Variants in ME1 observed in about 807,000 individuals in gnomAD.
ME1 encodes the protein malic enzyme 1.
Under a neutral mutation model 66.4 loss-of-function variants are expected in ME1, and 74 were observed. The ratio of observed to expected loss-of-function variants is 1.11; its 90% confidence interval spans 0.92 to 1.35. The LOEUF is 1.35. Among genes scored for constraint, ME1 ranks in the 40% most tolerant of loss-of-function variants. The probability of loss-of-function intolerance (pLI) is 0.00; values close to 1 mark genes in which losing one functional copy is unlikely to be tolerated. For missense variants in ME1, 750 were observed against 694.1 expected, an observed-to-expected ratio of 1.08 and a Z score of -0.90; for synonymous variants, 251 against 235.6, an observed-to-expected ratio of 1.07 and a Z score of -0.60.
chr6:83,224,481 G>C (rs1037058999), intron 11 of ME1, among the ~76,000 whole-genome samples: 2 of 151,774 alleles, frequency 1.3e-5, no homozygotes, highest in African/African-American at 4.8e-5. Flanking sequence ...TCAGGAGTTT[G>C]AGACCAGCCT....
intron 6 of ME1, among the ~76,000 whole-genome samples, chr6:83,291,541 C>T (rs1372656382): frequency 6.6e-6 from 1 of 152,168 alleles, no homozygotes; most frequent in Non-Finnish European, 1.5e-5. Flanking sequence ...TTCTCTCTCA[C>T]TGCCCTTAAC....
In ME1 at chr6:83,343,930, T is replaced by C. The variant is rs79850426; in HGVS notation, c.600+2243A>G. Among the ~76,000 whole-genome samples the C allele has an allele frequency of 4.5e-3, 692 of 152,244 alleles. 2 individuals carry two copies. Among genetic ancestry groups the C allele is most frequent in the African/African-American group, 0.015 (634 of 41,550 alleles). On this transcript the variant is annotated intron_variant, in intron 5 of 13. Transcript: ENST00000369705. ...ATATCTATCAATGCAAGTGTCCTAG[T>C]GTTACAGTTTCACTAGTGCACAGCT... is the stretch of plus-strand genomic sequence containing the variant.
At chr6:83,232,600 T>C (rs948268316) in intron 9 of ME1, among the ~76,000 whole-genome samples, 4 of 152,166 alleles carry the variant, frequency 2.6e-5, no homozygotes, top group African/African-American at 9.7e-5. Context: ...GAGAAAACAA[T>C]CAAGCCAGAT....
chr6:83,317,995 C>T (rs940340098), intron 5 of ME1, among the ~76,000 whole-genome samples: 1 of 152,050 alleles, frequency 6.6e-6, no homozygotes, highest in Non-Finnish European at 1.5e-5. Flanking sequence ...AGAAATAACG[C>T]CACATATCTA....
chr6:83,302,788 T>A (rs1767751539), intron 6 of ME1, among the ~76,000 whole-genome samples: 1 of 152,088 alleles, frequency 6.6e-6, no homozygotes, highest in African/African-American at 2.4e-5. Flanking sequence ...AACTATTTAT[T>A]TATACAATGG....
Position 83,308,893 on chromosome 6 carries a change from A to G in ME1, c.704+6417T>C, listed in dbSNP as rs549167243. Among the ~76,000 whole-genome samples the G allele has an allele frequency of 7.2e-5, 11 of 152,204 alleles. No individual in the cohort carries two copies. The South Asian group carries it at 2.3e-3, about 32-fold the overall frequency. On this transcript the variant is annotated intron_variant, in intron 6 of 13. Transcript: ENST00000369705. Reference sequence around the variant, plus strand: ...CAAAGAAGGCCTTATTGAGAAAAGGATATTTGAGGAAATGTTAAAGGAGGT... The same window carrying G: ...CAAAGAAGGCCTTATTGAGAAAAGGGTATTTGAGGAAATGTTAAAGGAGGT...
chr6:83,296,734 T>C (rs9449605), intron 6 of ME1, among the ~76,000 whole-genome samples: 8,578 of 152,240 alleles, frequency 0.056, 454 homozygotes, highest in African/African-American at 0.13. Context: ...ACTGTCCCTG[T>C]TTGCAGATGA....
chr6:83,421,341 A>C (rs2128553498), intron 1 of ME1, among the ~76,000 whole-genome samples: 1 of 152,320 alleles, frequency 6.6e-6, no homozygotes, highest in East Asian at 1.9e-4. Context: ...CCGAACTTAA[A>C]ATCAAGTTAG....
rs1554262995 is a variant in ME1, at chr6:83,237,276, A to AAAGG, written c.1026+437_1026+440dup. 2.6e-3 allele frequency among the ~76,000 whole-genome samples: 190 copies of AAAGG among 73,676 alleles called. 9 individuals carry two copies. In the Middle Eastern group the frequency reaches 0.028, roughly 11 times the overall value. The allele number at this position is 73,676 out of a possible 152,430, so 48.3% of individuals were successfully genotyped here. On this transcript the variant is annotated intron_variant, in intron 9 of 13. Coordinates refer to ENST00000369705, the MANE Select transcript of ME1 (RefSeq NM_002395.6). ...GAAAGAAAGAAAGAAAGAAAGAAAG[A>AAAGG]AAGGAAGGAAGGAAGGAAAGAAAGA...
At chr6:83,376,963 C>T (rs1769304296) in intron 3 of ME1, among the ~76,000 whole-genome samples, 1 of 152,020 alleles carries the variant, frequency 6.6e-6, no homozygotes, top group Non-Finnish European at 1.5e-5. Context: ...TTTTCCAATA[C>T]ATCAAGGAAT....
At chr6:83,400,017 T>C (rs1403551152) in intron 2 of ME1, among the ~76,000 whole-genome samples, 1 of 152,234 alleles carries the variant, frequency 6.6e-6, no homozygotes, top group Non-Finnish European at 1.5e-5. Context: ...ACAGGAGATA[T>C]TCCTCAGGGC....
At chr6:83,429,356 T>C (rs1770438264) in intron 1 of ME1, among the ~76,000 whole-genome samples, 1 of 152,198 alleles carries the variant, frequency 6.6e-6, no homozygotes, top group African/African-American at 2.4e-5. Context: ...ATCTACATAC[T>C]CTTAATAGAC....
chr6:83,353,251 T>A (rs1418913864), intron 3 of ME1, among the ~76,000 whole-genome samples: 1 of 152,220 alleles, frequency 6.6e-6, no homozygotes, highest in African/African-American at 2.4e-5. Context: ...CATGGGTTGA[T>A]GTTATCAGAA....
chr6:83,224,889 T>G (rs1023514008), intron 11 of ME1, among the ~76,000 whole-genome samples: 37 of 151,964 alleles, frequency 2.4e-4, no homozygotes, highest in Non-Finnish European at 2.8e-4. Flanking sequence ...AGGAATCTCA[T>G]GTACTGCTTG....
chr6:83,237,164 C>T (rs923232962), intron 9 of ME1, among the ~76,000 whole-genome samples: 7 of 148,768 alleles, frequency 4.7e-5, no homozygotes, highest in African/African-American at 7.5e-5. Context: ...CACTGCACTC[C>T]AGCCTGAGTG....
chr6:83,237,439 G>A (rs1218111436), intron 9 of ME1, among the ~76,000 whole-genome samples: 1 of 149,714 alleles, frequency 6.7e-6, no homozygotes, highest in Non-Finnish European at 1.5e-5. Flanking sequence ...AGGAAAGAAA[G>A]GAAGGAAAGA....
chr6:83,316,510 G>A (rs2128539467), intron 5 of ME1, among the ~76,000 whole-genome samples: 1 of 151,824 alleles, frequency 6.6e-6, no homozygotes, highest in Non-Finnish European at 1.5e-5. Flanking sequence ...TTACGATAGG[G>A]AACAAGACAA....
intron 7 of ME1, among the ~76,000 whole-genome samples, chr6:83,246,595 T>G (rs1002032168): frequency 2.0e-5 from 3 of 152,134 alleles, no homozygotes; most frequent in African/African-American, 7.2e-5. Flanking sequence ...TTCCATACTA[T>G]GGGTATATGG....
In ME1 at chr6:83,253,534, T is replaced by C. The variant is rs1275022791; in HGVS notation, c.814+95A>G. 5.0e-6 allele frequency: 3 copies of C among 596,922 alleles called. No individual in the cohort carries two copies. The East Asian group carries it at 8.0e-5, about 16-fold the overall frequency. 37.0% of individuals were successfully genotyped at this position (596,922 alleles called of 1,614,324 possible). ...AGCATAATTCCTGGAATTTAAAAGG[T>C]ACTCAGTATATATTGATTGAATTTG... On this transcript the variant is annotated intron_variant, in intron 7 of 13. Coordinates refer to ENST00000369705, the MANE Select transcript of ME1 (RefSeq NM_002395.6).
Sources: allele counts gnomAD v4.1 joint callset (sites outside exome capture counted in the v4.1 genomes callset), GRCh38; gene constraint gnomAD v4.1.1; transcripts MANE v1.5; gene names NCBI Gene and HGNC (gene_info 2026-07-23, HGNC 2026-07-21).